Variants in CMTM6 observed in about 807,000 individuals in gnomAD.
CMTM6 encodes CKLF-like MARVEL transmembrane domain-containing protein 6.
A neutral mutation model predicts 13.6 loss-of-function variants in CMTM6; 5 were observed. That is an observed-to-expected ratio of 0.37 (90% confidence interval 0.19 to 0.77). The LOEUF (loss-of-function observed/expected upper bound fraction) is 0.77, where lower values mean the gene tolerates loss of function less well. CMTM6 is among the 30% of genes least tolerant of loss of function. The pLI is 0.50. For synonymous variants in CMTM6, 99 were observed against 84.5 expected (o/e 1.17, Z -0.94); for missense variants, 196 against 218.6 (o/e 0.90, Z 0.65).
At chr3:32,501,553 C>T (rs1014188401) in intron 1 of CMTM6, among the ~76,000 whole-genome samples, 1 of 152,204 alleles carries the variant, frequency 6.6e-6, no homozygotes, top group Non-Finnish European at 1.5e-5. Context: ...ATTTTGATCG[C>T]TAAACAGCAG....
intron 2 of CMTM6, among the ~76,000 whole-genome samples, chr3:32,490,816 AT>A (rs1378901993): frequency 6.6e-6 from 1 of 152,112 alleles, no homozygotes. Flanking sequence ...TCAATCTGTA[AT>A]TTTTTTAATA....
rs1320863752 is a variant in CMTM6, at chr3:32,483,208, T to C, written c.*752A>G. On this transcript the variant is annotated 3_prime_UTR_variant, in exon 4 of 4. Transcript: ENST00000205636. ...TTGGTCCTTAGGTGTGGTATCAGTT[T>C]CTTCCATTTTTTTATGTGTTACAAA... 3.3e-5 allele frequency: 5 copies of C among 152,662 alleles called. No individual in the cohort carries two copies. Among genetic ancestry groups the C allele is most frequent in the Admixed American group, 3.3e-4 (5 of 15,288 alleles). 9.5% of individuals were successfully genotyped at this position (152,662 alleles called of 1,614,324 possible).
rs1697360443 is a variant in CMTM6 at position 32,502,825 on chromosome 3, A to G, written c.-80T>C. The G allele has an allele frequency of 1.5e-6, 2 of 1,352,838 alleles. No homozygotes were observed. The highest frequency in any genetic ancestry group is 1.9e-6 in the Non-Finnish European group (2 of 1,052,322). 83.8% of individuals were successfully genotyped at this position (1,352,838 alleles called of 1,614,324 possible). A position where few individuals can be genotyped will look rare whatever the true frequency, so the allele number is the denominator to read the frequency against. On this transcript the variant is annotated 5_prime_UTR_variant, in exon 1 of 4. Transcript: ENST00000205636. ...ACTCCAGAAGTCCCCGGTAGCCGGG[A>G]GGCGGCCGTCACTTCCTGGGCCTTC...
At chr3:32,488,764 A>T (rs963134499) in intron 2 of CMTM6, among the ~76,000 whole-genome samples, 15 of 152,220 alleles carry the variant, frequency 9.9e-5, no homozygotes, top group Non-Finnish European at 2.1e-4. Flanking sequence ...ATATCTTATC[A>T]TAATGCAGCT....
chr3:32,487,839 AAAC>A, intron 3 of CMTM6, 96 bp downstream of exon 3: 1 of 742,356 alleles, frequency 1.3e-6, no homozygotes. Flanking sequence ...GTTATAAGAA[AAAC>A]AACTCTAACA....
intron 1 of CMTM6, among the ~76,000 whole-genome samples, chr3:32,494,738 GA>G (rs999920570): frequency 7.4e-5 from 11 of 147,700 alleles, no homozygotes; most frequent in East Asian, 2.0e-4. Flanking sequence ...TTATTCAAAG[GA>G]AAAAAAAAAT....
intron 1 of CMTM6, among the ~76,000 whole-genome samples, chr3:32,496,834 T>C (rs1697296196): frequency 6.6e-6 from 1 of 151,946 alleles, no homozygotes; most frequent in Admixed American, 6.6e-5. Flanking sequence ...AAAATGATAA[T>C]AAGGCAACTG....
intron 1 of CMTM6, among the ~76,000 whole-genome samples, chr3:32,502,081 AAACT>A (rs1559426608): frequency 6.6e-6 from 1 of 152,242 alleles, no homozygotes; most frequent in African/African-American, 2.4e-5. Flanking sequence ...AGTCAATATA[AAACT>A]TTTAGAAGAC....
chr3:32,499,324 A>G (rs939114640), intron 1 of CMTM6, among the ~76,000 whole-genome samples: 3 of 152,212 alleles, frequency 2.0e-5, no homozygotes, highest in African/African-American at 7.2e-5. Flanking sequence ...TTATAGGGTA[A>G]CATTATTTAT....
intron 1 of CMTM6, among the ~76,000 whole-genome samples, chr3:32,500,308 C>T (rs545044171): frequency 6.6e-6 from 1 of 152,270 alleles, no homozygotes; most frequent in South Asian, 2.1e-4. Flanking sequence ...TGCCTATAGC[C>T]CCAGGCTGGA....
intron 2 of CMTM6, chr3:32,488,433 C>T (rs1697223742): frequency 1.3e-5 from 2 of 153,378 alleles, no homozygotes; most frequent in African/African-American, 4.8e-5. Context: ...TGTGTGTGTC[C>T]TCTTTTTCTC....
chr3:32,500,089 A>G (rs1262953594), intron 1 of CMTM6, among the ~76,000 whole-genome samples: 1 of 152,206 alleles, frequency 6.6e-6, no homozygotes, highest in African/African-American at 2.4e-5. Context: ...AATATACTCA[A>G]ACATATAAGT....
intron 2 of CMTM6, among the ~76,000 whole-genome samples, chr3:32,491,223 G>C (rs1034631296): frequency 6.6e-6 from 1 of 152,126 alleles, no homozygotes; most frequent in Admixed American, 6.5e-5. Flanking sequence ...CAAAATATAG[G>C]AAGAATTACA....
chr3:32,493,630 C>A (rs1318213739), intron 1 of CMTM6, among the ~76,000 whole-genome samples: 3 of 152,020 alleles, frequency 2.0e-5, no homozygotes, highest in African/African-American at 7.2e-5. Flanking sequence ...GGAAAGATAG[C>A]CTTATGTGGA....
Position 32,502,267 on chromosome 3 carries a change from G to A in CMTM6, c.138+341C>T, listed in dbSNP as rs560559917. Among the ~76,000 whole-genome samples the A allele has an allele frequency of 2.6e-5, 4 of 152,314 alleles. No individual in the cohort carries two copies. The East Asian group carries it at 7.7e-4, about 29-fold the overall frequency. On this transcript the variant is annotated intron_variant, in intron 1 of 3. Coordinates refer to ENST00000205636, the MANE Select transcript of CMTM6 (RefSeq NM_017801.3). Reference sequence around the variant, plus strand: ...ACAGGCACTGTGGGCGATAATGCAGGGTAGCAGCAGAGAGAAGAGAGGAAA... The same window carrying A: ...ACAGGCACTGTGGGCGATAATGCAGAGTAGCAGCAGAGAGAAGAGAGGAAA...
In CMTM6 at chr3:32,502,824, G is replaced by A. The variant is rs892179474; in HGVS notation, c.-79C>T. 1.8e-5 allele frequency: 24 copies of A among 1,353,484 alleles called. No individual in the cohort carries two copies. The East Asian group carries it at 5.3e-4, about 30-fold the overall frequency. 83.8% of individuals were successfully genotyped at this position (1,353,484 alleles called of 1,614,324 possible). On this transcript the variant is annotated 5_prime_UTR_variant, in exon 1 of 4. Transcript: ENST00000205636. ...GACTCCAGAAGTCCCCGGTAGCCGG[G>A]AGGCGGCCGTCACTTCCTGGGCCTT...
chr3:32,501,721 G>C (rs185686903), intron 1 of CMTM6, among the ~76,000 whole-genome samples: 1 of 152,270 alleles, frequency 6.6e-6, no homozygotes, highest in East Asian at 1.9e-4. Context: ...ACAAAACAAA[G>C]TAAGACAAAA....
At chr3:32,486,513 G>A (rs1697206925) in intron 3 of CMTM6, among the ~76,000 whole-genome samples, 1 of 152,154 alleles carries the variant, frequency 6.6e-6, no homozygotes, top group African/African-American at 2.4e-5. Flanking sequence ...CTCAAGTGGT[G>A]TTGTGTAATA....
At chr3:32,502,090 G>T (rs1289245703) in intron 1 of CMTM6, among the ~76,000 whole-genome samples, 1 of 152,182 alleles carries the variant, frequency 6.6e-6, no homozygotes, top group Non-Finnish European at 1.5e-5. Context: ...AAAACTTTTA[G>T]AAGACAATTT....
Sources: allele counts gnomAD v4.1 joint callset (sites outside exome capture counted in the v4.1 genomes callset), GRCh38; gene constraint gnomAD v4.1.1; transcripts MANE v1.5; gene names NCBI Gene and HGNC (gene_info 2026-07-23, HGNC 2026-07-21).